Variants in PDZRN4 observed in about 807,000 individuals in gnomAD.
PDZRN4 encodes the protein PDZ domain-containing RING finger protein 4.
In PDZRN4, 70 loss-of-function variants were observed where a neutral mutation model predicts 99.0. The ratio of observed to expected loss-of-function variants is 0.71; its 90% confidence interval spans 0.58 to 0.86. The LOEUF (loss-of-function observed/expected upper bound fraction) is 0.86, where lower values mean the gene tolerates loss of function less well. Among genes scored for constraint, PDZRN4 ranks in the 40% least tolerant of loss-of-function variants. The pLI is 0.00. For missense variants in PDZRN4, 1,474 were observed against 1,331.2 expected, an observed-to-expected ratio of 1.11 and a Z score of -1.67; for synonymous variants, 551 against 501.6, an observed-to-expected ratio of 1.10 and a Z score of -1.32.
intron 3 of PDZRN4, among the ~76,000 whole-genome samples, chr12:41,232,518 T>A (rs1320972458): frequency 6.6e-6 from 1 of 152,150 alleles, no homozygotes; most frequent in Non-Finnish European, 1.5e-5. Context: ...TCCTTACATG[T>A]TTAGCACATC....
chr12:41,339,546 C>CAGCAACAA (rs1246932427), intron 3 of PDZRN4, among the ~76,000 whole-genome samples: 1 of 152,060 alleles, frequency 6.6e-6, no homozygotes, highest in Non-Finnish European at 1.5e-5. Context: ...CAAAAAGCAT[C>CAGCAACAA]AGCAACAAAG....
At chr12:41,337,008 C>G (rs1211019409) in intron 3 of PDZRN4, among the ~76,000 whole-genome samples, 4 of 152,078 alleles carry the variant, frequency 2.6e-5, no homozygotes, top group African/African-American at 9.7e-5. Flanking sequence ...ACTGTAATTT[C>G]TAATCTTGTA....
intron 3 of PDZRN4, among the ~76,000 whole-genome samples, chr12:41,218,574 T>C (rs1406824412): frequency 6.6e-6 from 1 of 152,082 alleles, no homozygotes; most frequent in Non-Finnish European, 1.5e-5. Context: ...CTGTAAAGAG[T>C]GTTCTTTCTA....
At chr12:41,466,017 A>G (rs1696093418) in intron 3 of PDZRN4, among the ~76,000 whole-genome samples, 1 of 152,150 alleles carries the variant, frequency 6.6e-6, no homozygotes, top group Non-Finnish European at 1.5e-5. Flanking sequence ...ATACTATCCA[A>G]ACTGCTTTAA....
At chr12:41,513,113 T>G (rs546965057) in intron 5 of PDZRN4, among the ~76,000 whole-genome samples, 51 of 152,200 alleles carry the variant, frequency 3.4e-4, no homozygotes, top group African/African-American at 1.2e-3. Flanking sequence ...CATGGATTAT[T>G]AACCCAATAG....
intron 3 of PDZRN4, among the ~76,000 whole-genome samples, chr12:41,365,500 C>T (rs535448235): frequency 6.6e-6 from 1 of 152,112 alleles, no homozygotes; most frequent in African/African-American, 2.4e-5. Flanking sequence ...TTTGATGACC[C>T]TCTCTTGTAT....
chr12:41,337,158 A>G (rs1949947), intron 3 of PDZRN4, among the ~76,000 whole-genome samples: 58,432 of 151,976 alleles, frequency 0.38, 11,327 homozygotes, highest in African/African-American at 0.41. Flanking sequence ...CCTACACCCA[A>G]GAATGAACAA....
At chr12:41,427,808 G>C (rs74078832) in intron 3 of PDZRN4, among the ~76,000 whole-genome samples, 2 of 152,066 alleles carry the variant, frequency 1.3e-5, no homozygotes, top group Non-Finnish European at 2.9e-5. Flanking sequence ...AAAACTTCAG[G>C]TCCTGACCAC....
chr12:41,433,880 C>G (rs1233027295), intron 3 of PDZRN4, among the ~76,000 whole-genome samples: 3 of 152,026 alleles, frequency 2.0e-5, no homozygotes, highest in Admixed American at 6.6e-5. Flanking sequence ...TTAAATATAA[C>G]AAAAATATAG....
intron 3 of PDZRN4, among the ~76,000 whole-genome samples, chr12:41,275,485 GC>G: frequency 1.3e-5 from 2 of 152,142 alleles, no homozygotes; most frequent in East Asian, 3.9e-4. Context: ...TTTTGCAGTG[GC>G]CTGAATAACA....
chr12:41,253,449 C>T (rs1386582095), intron 3 of PDZRN4, among the ~76,000 whole-genome samples: 4 of 152,144 alleles, frequency 2.6e-5, no homozygotes, highest in African/African-American at 7.2e-5. Context: ...AGAATCATCT[C>T]ACTCCAGTTA....
intron 3 of PDZRN4, among the ~76,000 whole-genome samples, chr12:41,249,318 G>A (rs1951153545): frequency 6.6e-6 from 1 of 152,154 alleles, no homozygotes; most frequent in Non-Finnish European, 1.5e-5. Context: ...GCATGAAGAT[G>A]TATCTTGTCA....
chr12:41,345,043 A>G (rs1327379239), intron 3 of PDZRN4, among the ~76,000 whole-genome samples: 1 of 152,116 alleles, frequency 6.6e-6, no homozygotes, highest in African/African-American at 2.4e-5. Context: ...TGGAATAAAT[A>G]TGTTATTACA....
intron 3 of PDZRN4, among the ~76,000 whole-genome samples, chr12:41,255,697 G>A (rs1239273710): frequency 6.6e-6 from 1 of 152,160 alleles, no homozygotes; most frequent in Admixed American, 6.5e-5. Context: ...TTGGCTCATG[G>A]TTTTGCGAGC....
intron 1 of PDZRN4, 68 bp downstream of exon 1, chr12:41,189,171 A>C: frequency 6.9e-7 from 1 of 1,440,904 alleles, no homozygotes; most frequent in Non-Finnish European, 9.4e-7. Flanking sequence ...GTTCTTTCTG[A>C]CGCTTCAGGA....
At chr12:41,313,467 GA>G (rs1420984578) in intron 3 of PDZRN4, among the ~76,000 whole-genome samples, 1 of 152,138 alleles carries the variant, frequency 6.6e-6, no homozygotes, top group African/African-American at 2.4e-5. Context: ...GGTACTATTG[GA>G]AAGACCCACG....
intron 9 of PDZRN4, among the ~76,000 whole-genome samples, chr12:41,568,366 G>A (rs573358065): frequency 3.9e-5 from 6 of 152,284 alleles, no homozygotes; most frequent in African/African-American, 7.2e-5. Context: ...ACTGGATGGC[G>A]TGATTACACC....
At chr12:41,396,548 G>C in intron 3 of PDZRN4, among the ~76,000 whole-genome samples, 1 of 152,128 alleles carries the variant, frequency 6.6e-6, no homozygotes, top group East Asian at 1.9e-4. Context: ...ATTTATGTGA[G>C]TCAAGAATTC....
chr12:41,347,601 T>C (rs936264186), intron 3 of PDZRN4, among the ~76,000 whole-genome samples: 1 of 152,162 alleles, frequency 6.6e-6, no homozygotes, highest in Non-Finnish European at 1.5e-5. Context: ...TGGGTTGCAT[T>C]TTCAGTTTCT....
Sources: gnomAD v4.1 joint callset for allele counts (sites outside exome capture counted in the v4.1 genomes callset) on GRCh38, gnomAD v4.1.1 for gene constraint, MANE v1.5 for transcripts, NCBI Gene and HGNC (gene_info 2026-07-23, HGNC 2026-07-21) for gene names.